STXBP5L: variants seen among roughly 807,000 people sequenced by gnomAD.
STXBP5L encodes the protein syntaxin-binding protein 5-like.
STXBP5L carries 65 observed loss-of-function variants against 144.5 expected under a neutral mutation model. The ratio of observed to expected loss-of-function variants is 0.45; its 90% CI spans 0.37 to 0.55. The LOEUF (loss-of-function observed/expected upper bound fraction) is 0.55. Ranked by LOEUF, STXBP5L falls within the 20% of genes least tolerant of loss-of-function variation. STXBP5L has a pLI of 0.00. For missense variants in STXBP5L, 1,298 were observed against 1,405.5 expected (o/e 0.92, Z 1.22); for synonymous variants, 505 against 469.6 (o/e 1.08, Z -0.97).
chr3:121,304,675 AAC>A lies in STXBP5L; in HGVS notation c.2111-13796_2111-13795del, dbSNP rs1415261773. Among the ~76,000 whole-genome samples, 8 of 152,098 alleles carry A rather than the reference AAC, an allele frequency of 5.3e-5. No homozygotes were observed. In the East Asian group the frequency reaches 7.7e-4, roughly 15 times the overall value. ...TATTTTTGAACTGAGTGAAAGTACA[AAC>A]ACAACATATCAAAATTTATGAGATA... On this transcript the variant is annotated intron_variant, in intron 19 of 26. Transcript: ENST00000471454.
intron 20 of STXBP5L, among the ~76,000 whole-genome samples, chr3:121,345,477 A>G (rs1201643496): frequency 6.6e-6 from 1 of 152,128 alleles, no homozygotes; most frequent in Non-Finnish European, 1.5e-5. Context: ...ATACGTGTGC[A>G]TATGTCTTCA....
intron 3 of STXBP5L, among the ~76,000 whole-genome samples, chr3:120,969,564 TA>T (rs1398859529): frequency 3.3e-5 from 5 of 151,990 alleles, no homozygotes; most frequent in African/African-American, 1.2e-4. Context: ...AGGTCCCATT[TA>T]TTTTTGGTTT....
chr3:121,351,875 G>A (rs908383062), intron 20 of STXBP5L, among the ~76,000 whole-genome samples: 1 of 152,094 alleles, frequency 6.6e-6, no homozygotes, highest in Non-Finnish European at 1.5e-5. Flanking sequence ...GTGTAAGTAA[G>A]GGATCCAGTT....
chr3:121,355,063 G>A (rs1298614117), intron 20 of STXBP5L, among the ~76,000 whole-genome samples: 1 of 152,194 alleles, frequency 6.6e-6, no homozygotes, highest in Non-Finnish European at 1.5e-5. Context: ...TCCGCTGTTA[G>A]TCTGATGGGC....
In STXBP5L at chr3:121,381,493, G is replaced by A. The variant is rs1168084334; in HGVS notation, c.2548G>A (p.Glu850Lys). 4 of 1,594,542 alleles carry A rather than the reference G, an allele frequency of 2.5e-6. No individual in the cohort carries two copies. Among genetic ancestry groups the A allele is most frequent in the African/African-American group, 2.7e-5 (2 of 73,574 alleles). The change falls in exon 22 of 27, where the codon GAA becomes AAA. Residue 850 changes from glutamate to lysine, a missense_variant. Transcript: ENST00000471454. ...CTCCTTAAACCTACCATTAGCAGATGAACAAAGGTTTACAGAGCCAGTCAT... is the reference window on the plus strand; with the variant it reads ...CTCCTTAAACCTACCATTAGCAGATAAACAAAGGTTTACAGAGCCAGTCAT... Reference protein sequence around the residue: ...IISLNLPLADEQRFTEPVMVL... With the variant: ...IISLNLPLADKQRFTEPVMVL...
chr3:121,290,801 T>C (rs2051411179), intron 19 of STXBP5L, among the ~76,000 whole-genome samples: 1 of 151,732 alleles, frequency 6.6e-6, no homozygotes, highest in South Asian at 2.1e-4. Context: ...TTTAAAATCG[T>C]ATGATCATCT....
intron 3 of STXBP5L, among the ~76,000 whole-genome samples, chr3:120,957,839 A>C (rs1318829597): frequency 1.1e-4 from 16 of 152,280 alleles, no homozygotes; most frequent in Non-Finnish European, 2.4e-4. Flanking sequence ...TAACATCACA[A>C]TTAAAAGAAC....
intron 10 of STXBP5L, among the ~76,000 whole-genome samples, chr3:121,213,806 A>G (rs890437242): frequency 6.6e-6 from 1 of 152,014 alleles, no homozygotes; most frequent in Non-Finnish European, 1.5e-5. Flanking sequence ...TCCTCTTTGT[A>G]CCTCTGGTAG....
At chr3:120,935,930 TCA>T (rs1256237939) in intron 2 of STXBP5L, among the ~76,000 whole-genome samples, 1 of 152,172 alleles carries the variant, frequency 6.6e-6, no homozygotes, top group Non-Finnish European at 1.5e-5. Flanking sequence ...TGGGAAATTC[TCA>T]GTCACTATTG....
chr3:121,342,455 T>C (rs999840659), intron 20 of STXBP5L, among the ~76,000 whole-genome samples: 11 of 151,438 alleles, frequency 7.3e-5, no homozygotes, highest in African/African-American at 2.4e-4. Context: ...CATTAACTCG[T>C]CATTTAGCAT....
intron 9 of STXBP5L, among the ~76,000 whole-genome samples, chr3:121,179,316 C>T (rs140643929): frequency 2.0e-5 from 3 of 151,918 alleles, no homozygotes; most frequent in Admixed American, 2.0e-4. Flanking sequence ...AACTAAGGAA[C>T]TGATACAAAG....
intron 7 of STXBP5L, among the ~76,000 whole-genome samples, chr3:121,129,752 A>G (rs2044885095): frequency 6.6e-6 from 1 of 152,006 alleles, no homozygotes; most frequent in African/African-American, 2.4e-5. Context: ...AAGTATACCA[A>G]TTCACTTTTT....
chr3:121,208,322 G>A (rs945233775), intron 10 of STXBP5L, among the ~76,000 whole-genome samples: 18 of 139,828 alleles, frequency 1.3e-4, no homozygotes, highest in Non-Finnish European at 9.3e-5. Flanking sequence ...ATCACACACC[G>A]GGGCCTGTCA....
intron 5 of STXBP5L, among the ~76,000 whole-genome samples, chr3:121,058,546 G>T (rs558404303): frequency 6.6e-6 from 1 of 152,136 alleles, no homozygotes; most frequent in African/African-American, 2.4e-5. Context: ...TTGAAGAATC[G>T]CCACAGTCTC....
intron 16 of STXBP5L, among the ~76,000 whole-genome samples, chr3:121,256,189 T>C (rs2050200749): frequency 6.6e-6 from 1 of 152,060 alleles, no homozygotes; most frequent in Admixed American, 6.6e-5. Context: ...GTTCTTGTGA[T>C]GATTATATAA....
intron 18 of STXBP5L, among the ~76,000 whole-genome samples, chr3:121,274,337 T>G (rs1001533563): frequency 6.6e-6 from 1 of 152,220 alleles, no homozygotes; most frequent in African/African-American, 2.4e-5. Context: ...TCAGCCGAAG[T>G]CAGTGTTGGC....
chr3:120,964,207 T>A (rs1939260493), intron 3 of STXBP5L, among the ~76,000 whole-genome samples: 1 of 152,200 alleles, frequency 6.6e-6, no homozygotes, highest in Non-Finnish European at 1.5e-5. Flanking sequence ...ATTTTGTTGA[T>A]CTTTTCCAAA....
intron 9 of STXBP5L, among the ~76,000 whole-genome samples, chr3:121,182,430 A>G (rs1211857): frequency 6.6e-6 from 1 of 151,990 alleles, no homozygotes; most frequent in Non-Finnish European, 1.5e-5. Flanking sequence ...CTTTGGGTTA[A>G]TAAGGAAATC....
At chr3:121,231,331 T>C (rs1269466242) in intron 11 of STXBP5L, among the ~76,000 whole-genome samples, 1 of 152,210 alleles carries the variant, frequency 6.6e-6, no homozygotes, top group East Asian at 1.9e-4. Flanking sequence ...TTGAATAAGA[T>C]GATTAAATGC....
Sources: allele counts gnomAD v4.1 joint callset (sites outside exome capture counted in the v4.1 genomes callset), GRCh38; gene constraint gnomAD v4.1.1; transcripts MANE v1.5; gene names NCBI Gene and HGNC (gene_info 2026-07-23, HGNC 2026-07-21).